The following ZNF287 variants were observed in gnomAD, a reference collection of about 807,000 sequenced individuals.
The protein encoded by ZNF287 is zinc finger protein 287, also known as zinc finger protein with KRAB and SCAN domains 13.
Under a neutral mutation model 73.7 loss-of-function variants are expected in ZNF287, and 31 were observed. The observed-to-expected ratio is 0.42, with a 90% CI of 0.32 to 0.57. ZNF287 has a LOEUF of 0.57. Among genes scored for constraint, ZNF287 ranks in the 20% least tolerant of loss-of-function variants. ZNF287 has a pLI of 0.13. For synonymous variants in ZNF287, 301 were observed against 307.2 expected (o/e 0.98, Z 0.21); for missense variants, 641 against 909.3 (o/e 0.70, Z 3.79).
Position 16,551,517 on chromosome 17 carries a change from G to A in ZNF287, c.*339C>T, listed in dbSNP as rs912357927. 2.8e-4 allele frequency: 60 copies of A among 215,050 alleles called. No homozygotes were observed. Among genetic ancestry groups the A allele is most frequent in the African/African-American group, 1.3e-3 (56 of 43,706 alleles). 13.3% of individuals were successfully genotyped at this position (215,050 alleles called of 1,614,324 possible). On this transcript the variant is annotated 3_prime_UTR_variant, in exon 6 of 6. Coordinates refer to ENST00000395825, the MANE Select transcript of ZNF287 (RefSeq NM_020653.4). ...GCAACTTGAGTATGGGTAGATTTTC[G>A]TATACATGGGTGGTCCTGGAACCAA...
Position 16,553,323 on chromosome 17 carries a change from A to G in ZNF287, c.819T>C (p.Asp273=). The part of the protein sequence containing the change: ...TIKLEDSYDY[D]DRLERRGKGG... ...CTTTTCCTCGCCTCTCTAGTCTATC[A>G]TCGTAGTCATATGAGTCTTCTAATT... Residue 273 remains aspartate, a synonymous_variant, in exon 6 of 6, where the codon GAT becomes GAC. Transcript: ENST00000395825. 6.2e-7 allele frequency: 1 copy of G among 1,613,846 alleles called. No individual in the cohort carries two copies. Among genetic ancestry groups the G allele is most frequent in the East Asian group, 2.2e-5 (1 of 44,860 alleles).
At chr17:16,566,700 T>C (rs1223724258) in intron 2 of ZNF287, 78 bp from the exon 3 acceptor site, 2 of 932,214 alleles carry the variant, frequency 2.1e-6, no homozygotes, top group Non-Finnish European at 3.2e-6. Flanking sequence ...AATAGATGCC[T>C]ACACTTTCTT....
rs1906596688 is a variant in ZNF287 at position 16,550,745 on chromosome 17, A to C, written c.*1111T>G. On this transcript the variant is annotated 3_prime_UTR_variant, in exon 6 of 6. Coordinates refer to ENST00000395825, the MANE Select transcript of ZNF287 (RefSeq NM_020653.4). ...ACCTGAGCATAGTAGACACTCAAGA[A>C]ACGTGTTTCAGTGGAAGAAATGAAC... 3.3e-5 allele frequency among the ~76,000 whole-genome samples: 5 copies of C among 152,220 alleles called. No homozygotes were observed. The highest frequency in any genetic ancestry group is 1.2e-4 in the African/African-American group (5 of 41,456).
Position 16,560,487 on chromosome 17 carries a change from T to C in ZNF287, c.715+2659A>G, listed in dbSNP as rs147192269. Among the ~76,000 whole-genome samples, 838 of 150,612 alleles carry C rather than the reference T, an allele frequency of 5.6e-3. 16 individuals carry two copies. The East Asian group carries it at 0.073, about 13-fold the overall frequency. On this transcript the variant is annotated intron_variant, in intron 5 of 5. Coordinates refer to ENST00000395825, the MANE Select transcript of ZNF287 (RefSeq NM_020653.4). ...GCCTCAGCCTCCCGAGTAGCTGGGA[T>C]TACAGGCACCCACCACCACGCCCAG...
chr17:16,557,242 G>A (rs553222802), intron 5 of ZNF287, among the ~76,000 whole-genome samples: 29 of 152,252 alleles, frequency 1.9e-4, no homozygotes, highest in Middle Eastern at 6.8e-3. Context: ...AACCAGAAAG[G>A]ATTGGTTAGA....
In ZNF287 at chr17:16,551,731, A is replaced by G; in HGVS notation, c.*125T>C. 9.7e-7 allele frequency: 1 copy of G among 1,028,054 alleles called. No individual in the cohort carries two copies. Among genetic ancestry groups the G allele is most frequent in the Non-Finnish European group, 1.4e-6 (1 of 702,262 alleles). 63.7% of individuals were successfully genotyped at this position (1,028,054 alleles called of 1,614,324 possible). A position where few individuals can be genotyped will look rare whatever the true frequency, so the allele number is the denominator to read the frequency against. On this transcript the variant is annotated 3_prime_UTR_variant, in exon 6 of 6. Coordinates refer to ENST00000395825, the MANE Select transcript of ZNF287 (RefSeq NM_020653.4). ...GGTTATATCCATACCACTACTTCTG[A>G]TACTTCTGCTGAGTATCTAACATAT...
chr17:16,567,982 TACATATACAC>T (rs1907857174), intron 1 of ZNF287, 53 bp from the exon 2 acceptor site: 1 of 1,333,172 alleles, frequency 7.5e-7, no homozygotes. Flanking sequence ...TACTCTACTA[TACATATACAC>T]ACACAGAAAC....
Position 16,552,283 on chromosome 17 carries a change from T to C in ZNF287, c.1859A>G (p.Tyr620Cys). Residue 620 changes from tyrosine to cysteine, a missense_variant, in exon 6 of 6, where the codon TAT (tyrosine) becomes TGT (cysteine). Transcript: ENST00000395825. The surrounding 1 kb of genome is among the most constrained non-coding windows in gnomAD (Gnocchi z 6.5). ...TGCTTTCCCACACACACTGCATTTATATGGTTTCTCTCCAGTATGTGTTCT... is the reference window on the plus strand; with the variant it reads ...TGCTTTCCCACACACACTGCATTTACATGGTTTCTCTCCAGTATGTGTTCT... The part of the protein sequence containing the change: ...HHRTHTGEKP[Y>C]KCSVCGKAFS... 6.2e-7 allele frequency: 1 copy of C among 1,614,018 alleles called. No individual in the cohort carries two copies. Among genetic ancestry groups the C allele is most frequent in the Non-Finnish European group, 8.5e-7 (1 of 1,179,998 alleles).
At position 16,548,348 on chromosome 17, in the gene ZNF287, GTTATCA is replaced by G. The variant is rs1906405403; in HGVS notation, c.*3502_*3507del. Among the ~76,000 whole-genome samples the G allele has an allele frequency of 6.6e-6, 1 of 152,114 alleles. No individual in the cohort carries two copies. The highest frequency in any genetic ancestry group is 2.4e-5 in the African/African-American group (1 of 41,400). ...GCACTATGAAATACATCTGTGAGGT[GTTATCA>G]TTAAAAATGTTTAAACAACCCAATC... On this transcript the variant is annotated 3_prime_UTR_variant, in exon 6 of 6. Coordinates refer to ENST00000395825, the MANE Select transcript of ZNF287 (RefSeq NM_020653.4).
intron 1 of ZNF287, 99 bp from the exon 2 acceptor site, chr17:16,568,028 A>ACTG: frequency 9.2e-7 from 1 of 1,087,886 alleles, no homozygotes; most frequent in Non-Finnish European, 1.1e-6. Flanking sequence ...ATAGATGAAC[A>ACTG]CACATAAGCT....
Position 16,567,719 on chromosome 17 carries a change from T to C in ZNF287, c.13A>G (p.Ser5Gly). 6.2e-7 allele frequency: 1 copy of C among 1,610,156 alleles called. No homozygotes were observed. The highest frequency in any genetic ancestry group is 8.5e-7 in the Non-Finnish European group (1 of 1,177,534). The change falls in exon 2 of 6, where the codon AGC becomes GGC. Residue 5 changes from serine to glycine, a missense_variant. Physicochemically the swap from Ser to Gly is moderately conservative, Grantham distance 56. This residue lies in a region of ZNF287 where 357 missense variants were observed against 442.4 expected (regional missense o/e 0.81). Transcript: ENST00000395825. ...CGTGAAGAACTGTTCATCCTCTTGC[T>C]TGAGGCTAACATTGCTACAGACAGG... is the stretch of plus-strand genomic sequence containing the variant. MLAS[S>G]KRMNSSSRSQ...
chr17:16,558,884 G>A (rs988043758), intron 5 of ZNF287: 1 of 152,134 alleles, frequency 6.6e-6, no homozygotes, highest in Admixed American at 6.6e-5. Context: ...GGCTGAGGAG[G>A]AAGGATCACT....
chr17:16,563,305 A>C, intron 4 of ZNF287, 73 bp from the exon 5 acceptor site: 1 of 1,107,710 alleles, frequency 9.0e-7, no homozygotes, highest in Non-Finnish European at 1.3e-6. Context: ...CCAGACTTCT[A>C]CCTATCTGGG....
chr17:16,562,632 T>G (rs983421080), intron 5 of ZNF287, among the ~76,000 whole-genome samples: 6 of 152,000 alleles, frequency 3.9e-5, no homozygotes, highest in Non-Finnish European at 8.8e-5. Flanking sequence ...TATATATATT[T>G]ATATATTTTT....
chr17:16,567,913 G>A lies in ZNF287; in HGVS notation c.-182C>T, dbSNP rs1907851896. On this transcript the variant is annotated 5_prime_UTR_variant, in exon 2 of 6. Transcript: ENST00000395825. ...ACAAATTCTGAGCCCAGAACTTGCA[G>A]GGATGGATAAGAGACCCTGAAACAC... 1.4e-6 allele frequency: 2 copies of A among 1,425,460 alleles called. No individual in the cohort carries two copies. The highest frequency in any genetic ancestry group is 9.1e-7 in the Non-Finnish European group (1 of 1,095,488). 88.3% of individuals were successfully genotyped at this position (1,425,460 alleles called of 1,614,324 possible).
intron 4 of ZNF287, 115 bp downstream of exon 4, chr17:16,563,584 T>G (rs1907572408): frequency 1.6e-6 from 2 of 1,243,602 alleles, no homozygotes; most frequent in African/African-American, 3.0e-5. Context: ...CTTTCGTGCT[T>G]GAATGAGATA....
chr17:16,555,121 C>T (rs776097211), intron 5 of ZNF287, among the ~76,000 whole-genome samples: 45 of 152,052 alleles, frequency 3.0e-4, no homozygotes, highest in Non-Finnish European at 4.1e-4. Flanking sequence ...TGGTGTTGGT[C>T]GACTTCATCA....
At chr17:16,553,463 T>A in intron 5 of ZNF287, 37 bp from the exon 6 acceptor site, 1 of 1,414,220 alleles carries the variant, frequency 7.1e-7, no homozygotes, top group Non-Finnish European at 9.3e-7. Context: ...CTTCATTTAT[T>A]TGGAGAAAGG....
intron 5 of ZNF287, among the ~76,000 whole-genome samples, chr17:16,554,185 A>T (rs1906886540): frequency 6.6e-6 from 1 of 151,722 alleles, no homozygotes; most frequent in Admixed American, 6.6e-5. Flanking sequence ...TGTTCAGCTT[A>T]ATTTAGTTAT....
Sources: gnomAD v4.1 joint callset for allele counts (sites outside exome capture counted in the v4.1 genomes callset) on GRCh38, gnomAD v4.1.1 for gene constraint, gnomAD v4.1.1 regional missense constraint, Gnocchi (gnomAD v3.1) non-coding constraint, MANE v1.5 for transcripts, NCBI Gene and HGNC (gene_info 2026-07-23, HGNC 2026-07-21) for gene names.